AK8: variants seen among roughly 807,000 people sequenced by gnomAD.
The protein encoded by AK8 is ATP-AMP transphosphorylase 8.
A neutral mutation model predicts 54.6 loss-of-function variants in AK8; 44 were observed. The observed-to-expected ratio is 0.81, with a 90% CI of 0.63 to 1.04. AK8 has a LOEUF of 1.04. Among genes scored for constraint, AK8 ranks in the 50% least tolerant of loss-of-function variants. The pLI, the probability that AK8 is intolerant of heterozygous loss-of-function variation, is 0.00. For missense variants in AK8, 555 were observed against 613.6 expected (o/e 0.90, Z 1.01); for synonymous variants, 239 against 245.6 (o/e 0.97, Z 0.25).
At chr9:132,857,916 C>T (rs1261857384) in intron 4 of AK8, among the ~76,000 whole-genome samples, 2 of 152,208 alleles carry the variant, frequency 1.3e-5, no homozygotes. Flanking sequence ...TTTCAGAGGC[C>T]GCTTCTAGAA....
At chr9:132,878,632 C>T (rs756397481), upstream of AK8, 418 of 1,044,524 alleles carry the variant, frequency 4.0e-4, no homozygotes, top group Admixed American at 5.0e-4. This position sits in a 1 kb window ranked among gnomAD's most constrained non-coding sequence, Gnocchi z 4.7. Context: ...GCCCGGCTCC[C>T]TGTGCCTCAG....
At position 132,826,802 on chromosome 9, in the gene AK8, G is replaced by A. The variant is rs775628699; in HGVS notation, c.757+52C>T. ...GGGACAAAGTGGTAGAAGGCACAGC[G>A]AGCCCCGCCCTTGGCCGTCTGTCCA... On this transcript the variant is annotated intron_variant, in intron 8 of 12. Transcript: ENST00000298545. The surrounding 1 kb of genome is among the most constrained non-coding windows in gnomAD (Gnocchi z 4.5). 36 of 1,578,890 alleles carry A rather than the reference G, an allele frequency of 2.3e-5. No individual in the cohort carries two copies. In the South Asian group the frequency reaches 2.7e-4, roughly 12 times the overall value.
intron 11 of AK8, among the ~76,000 whole-genome samples, chr9:132,728,503 G>A (rs1359242882): frequency 6.6e-6 from 1 of 152,212 alleles, no homozygotes; most frequent in African/African-American, 2.4e-5. Flanking sequence ...ATAGTTCCCT[G>A]GTGTTGAAGA....
chr9:132,807,606 G>A (rs771664768), intron 10 of AK8, among the ~76,000 whole-genome samples: 5 of 152,158 alleles, frequency 3.3e-5, no homozygotes, highest in South Asian at 2.1e-4. Flanking sequence ...CACTGGGCCC[G>A]GCAACCTGGA....
At chr9:132,757,426 C>T (rs1480292107) in intron 11 of AK8, among the ~76,000 whole-genome samples, 1 of 152,260 alleles carries the variant, frequency 6.6e-6, no homozygotes, top group Non-Finnish European at 1.5e-5. Context: ...AGTACCCACT[C>T]TCTTATAGAA....
intron 5 of AK8, among the ~76,000 whole-genome samples, chr9:132,849,720 A>C (rs1437914892): frequency 5.9e-5 from 9 of 152,186 alleles, no homozygotes; most frequent in Admixed American, 5.9e-4. Flanking sequence ...AGCATGCTGG[A>C]AAGATTCCTG....
intron 11 of AK8, among the ~76,000 whole-genome samples, chr9:132,755,310 C>T (rs1838135110): frequency 6.6e-6 from 1 of 152,196 alleles, no homozygotes; most frequent in African/African-American, 2.4e-5. Context: ...GCCAGGTGCC[C>T]CCTACCCTGC....
At chr9:132,815,006 G>A (rs1337132791) in intron 9 of AK8, among the ~76,000 whole-genome samples, 1 of 152,242 alleles carries the variant, frequency 6.6e-6, no homozygotes, top group East Asian at 1.9e-4. Context: ...CGAGGATGTT[G>A]CCCACAGAGG....
intron 10 of AK8, among the ~76,000 whole-genome samples, chr9:132,796,518 A>C (rs1198299913): frequency 6.6e-6 from 1 of 152,192 alleles, no homozygotes; most frequent in African/African-American, 2.4e-5. Context: ...AATAGTGACA[A>C]CTGGAAATGA....
chr9:132,794,112 T>G (rs1001641520), intron 10 of AK8, among the ~76,000 whole-genome samples: 2 of 152,258 alleles, frequency 1.3e-5, no homozygotes, highest in African/African-American at 4.8e-5. Flanking sequence ...CTAAGCAGTC[T>G]GCATTTCCCT....
intron 4 of AK8, among the ~76,000 whole-genome samples, chr9:132,856,931 T>C (rs1203291012): frequency 6.6e-6 from 1 of 152,088 alleles, no homozygotes. Flanking sequence ...ATGAATATGT[T>C]CACTTTAAAG....
At chr9:132,806,450 C>T (rs1411044027) in intron 10 of AK8, among the ~76,000 whole-genome samples, 3 of 152,164 alleles carry the variant, frequency 2.0e-5, no homozygotes, top group Non-Finnish European at 2.9e-5. Context: ...CTGTCTTCAG[C>T]GAGTACAAAC....
At position 132,809,285 on chromosome 9, in the gene AK8, G is replaced by A. The variant is rs373952614; in HGVS notation, c.979+5353C>T. Among the ~76,000 whole-genome samples the A allele has an allele frequency of 3.3e-5, 5 of 152,308 alleles. 1 individual carries two copies. The highest frequency in any genetic ancestry group is 6.5e-5 in the Admixed American group (1 of 15,304). On this transcript the variant is annotated intron_variant, in intron 10 of 12. Coordinates refer to ENST00000298545, the MANE Select transcript of AK8 (RefSeq NM_152572.3). ...AGCTCCTCTTCTGGAAGTTCTGAAA[G>A]CCTCAGGGGATACAGCAGCATGTCC...
intron 5 of AK8, among the ~76,000 whole-genome samples, chr9:132,845,198 A>G (rs1056286832): frequency 6.6e-6 from 1 of 152,220 alleles, no homozygotes; most frequent in Non-Finnish European, 1.5e-5. Flanking sequence ...CGCGTAGACT[A>G]CAGCTACCAC....
rs1201117559 is a variant in AK8 at position 132,727,483 on chromosome 9, C to T, written c.1173G>A (p.Leu391=). ...CCCCAGTGACTGGATCAATTCTTCTCAGAGTCAGCCGCTCCATGATGGAAT... is the reference window on the plus strand; with the variant it reads ...CCCCAGTGACTGGATCAATTCTTCTTAGAGTCAGCCGCTCCATGATGGAAT... ...PFDSIMERLT[L]RRIDPVTGER... is the part of the protein sequence containing the mutation. Residue 391 remains leucine (L), a synonymous_variant, in exon 12 of 13, where the codon CTG becomes CTA. Coordinates refer to ENST00000298545, the MANE Select transcript of AK8 (RefSeq NM_152572.3). 1 of 1,614,100 alleles carries T rather than the reference C, an allele frequency of 6.2e-7. No individual in the cohort carries two copies. The highest frequency in any genetic ancestry group is 2.2e-5 in the East Asian group (1 of 44,876).
At chr9:132,844,078 C>T (rs1362542484) in intron 5 of AK8, among the ~76,000 whole-genome samples, 1 of 151,962 alleles carries the variant, frequency 6.6e-6, no homozygotes, top group Admixed American at 6.6e-5. Flanking sequence ...CCCAAGTTTC[C>T]AGAACTTACT....
intron 12 of AK8, 142 bp downstream of exon 12, chr9:132,727,312 T>A: frequency 1.3e-6 from 1 of 778,212 alleles, no homozygotes; most frequent in East Asian, 2.5e-5. Flanking sequence ...AACAGCCAGT[T>A]GGATAAAGTC....
intron 2 of AK8, among the ~76,000 whole-genome samples, chr9:132,873,383 G>C (rs1015039065): frequency 6.6e-6 from 1 of 152,128 alleles, no homozygotes; most frequent in Non-Finnish European, 1.5e-5. Flanking sequence ...GATCTCTCAC[G>C]TCTCTACATT....
intron 9 of AK8, among the ~76,000 whole-genome samples, chr9:132,818,578 T>C (rs1298706775): frequency 6.6e-6 from 1 of 151,902 alleles, no homozygotes; most frequent in Non-Finnish European, 1.5e-5. Flanking sequence ...CAAAGAGATA[T>C]GGCTAAAAAG....
Sources: gnomAD v4.1 joint callset for allele counts (sites outside exome capture counted in the v4.1 genomes callset) on GRCh38, gnomAD v4.1.1 for gene constraint, Gnocchi (gnomAD v3.1) non-coding constraint, MANE v1.5 for transcripts, NCBI Gene and HGNC (gene_info 2026-07-23, HGNC 2026-07-21) for gene names.